The following GRID2 variants were observed in gnomAD, a reference collection of about 807,000 sequenced individuals.
The protein encoded by GRID2 is glutamate receptor ionotropic, delta-2.
A neutral mutation model predicts 114.8 loss-of-function variants in GRID2; 33 were observed. The ratio of observed to expected loss-of-function variants is 0.29; its 90% CI spans 0.22 to 0.38. The LOEUF is 0.38. GRID2 is among the 10% of genes least tolerant of loss of function. GRID2 has a pLI of 1.00. For synonymous variants in GRID2, 505 were observed against 449.9 expected, an observed-to-expected ratio of 1.12 and a Z score of -1.55; for missense variants, 1,184 against 1,257.7, an observed-to-expected ratio of 0.94 and a Z score of 0.89.
chr4:93,212,799 T>C (rs1743703902), intron 5 of GRID2, among the ~76,000 whole-genome samples: 1 of 150,738 alleles, frequency 6.6e-6, no homozygotes, highest in Non-Finnish European at 1.5e-5. Flanking sequence ...TTTGACAGAG[T>C]TTTACTCTTG....
chr4:92,973,275 T>C (rs571247210), intron 2 of GRID2, among the ~76,000 whole-genome samples: 1 of 152,250 alleles, frequency 6.6e-6, no homozygotes, highest in African/African-American at 2.4e-5. Flanking sequence ...GCTCTTCCCA[T>C]CTATATTTTC....
intron 2 of GRID2, among the ~76,000 whole-genome samples, chr4:92,870,094 G>C (rs1745163288): frequency 6.6e-6 from 1 of 151,810 alleles, no homozygotes; most frequent in Non-Finnish European, 1.5e-5. Context: ...CTAGCTACTT[G>C]GAAGACTGAG....
chr4:93,220,453 A>T (rs1346539170), intron 6 of GRID2, among the ~76,000 whole-genome samples: 1 of 152,176 alleles, frequency 6.6e-6, no homozygotes, highest in Non-Finnish European at 1.5e-5. Flanking sequence ...AGCAAAATAA[A>T]GCTCAAAAAT....
chr4:93,612,621 A>C (rs2149666306), intron 13 of GRID2, among the ~76,000 whole-genome samples: 1 of 97,444 alleles, frequency 1.0e-5, no homozygotes, highest in South Asian at 4.2e-4. Context: ...CTTTTCTTTA[A>C]GAATGTTGAA....
intron 1 of GRID2, among the ~76,000 whole-genome samples, chr4:93,794,135 A>G (rs563386943): frequency 5.3e-4 from 81 of 152,318 alleles, no homozygotes; most frequent in South Asian, 3.7e-3. Context: ...TCAAACTATA[A>G]AATCAAACTC....
At position 92,868,090 on chromosome 4, in the gene GRID2, T is replaced by G. The variant is rs374952549; in HGVS notation, c.245-216905T>G. On this transcript the variant is annotated intron_variant, in intron 2 of 15. Transcript: ENST00000282020. ...TTTCTGTCTGTCTGTCTGTCTGTCT[T>G]TCTTTCTTTCTCTTTCTTTCTTTTT... Among the ~76,000 whole-genome samples, 352 of 144,238 alleles carry G rather than the reference T, an allele frequency of 2.4e-3. 1 individual carries two copies. Among genetic ancestry groups the G allele is most frequent in the Non-Finnish European group, 3.1e-3 (205 of 65,608 alleles). The allele number at this position is 144,238 out of a possible 152,430, so 94.6% of individuals were successfully genotyped here.
chr4:93,021,265 A>G (rs1723258786), intron 2 of GRID2, among the ~76,000 whole-genome samples: 1 of 151,582 alleles, frequency 6.6e-6, no homozygotes, highest in Non-Finnish European at 1.5e-5. Flanking sequence ...CATTCCAGAA[A>G]GCAATCTTAC....
chr4:92,747,235 A>G (rs144767843), intron 2 of GRID2, among the ~76,000 whole-genome samples: 2 of 152,210 alleles, frequency 1.3e-5, no homozygotes, highest in East Asian at 3.9e-4. Context: ...AAAAAAAGAT[A>G]TATAAATTTG....
intron 13 of GRID2, among the ~76,000 whole-genome samples, chr4:93,614,648 A>G (rs988683685): frequency 6.6e-6 from 1 of 152,174 alleles, no homozygotes; most frequent in Non-Finnish European, 1.5e-5. Flanking sequence ...TGATAGTAGT[A>G]CTAATTAAAT....
At chr4:92,404,646 T>C (rs192719311) in intron 1 of GRID2, among the ~76,000 whole-genome samples, 1 of 152,200 alleles carries the variant, frequency 6.6e-6, no homozygotes, top group East Asian at 1.9e-4. Context: ...CCATCAATGA[T>C]AGATTGGATA....
chr4:92,739,386 G>T (rs917772064), intron 2 of GRID2, among the ~76,000 whole-genome samples: 3 of 152,046 alleles, frequency 2.0e-5, no homozygotes, highest in Non-Finnish European at 2.9e-5. Context: ...TATATCAGCG[G>T]CAGTGATGTC....
At chr4:93,684,886 T>C (rs950866743) in intron 14 of GRID2, among the ~76,000 whole-genome samples, 5 of 152,120 alleles carry the variant, frequency 3.3e-5, no homozygotes, top group African/African-American at 1.2e-4. Context: ...CAAAACTCTT[T>C]ATCATAACAT....
At chr4:93,077,930 A>T (rs1729480754) in intron 2 of GRID2, among the ~76,000 whole-genome samples, 1 of 152,220 alleles carries the variant, frequency 6.6e-6, no homozygotes, top group South Asian at 2.1e-4. Context: ...AAATAAATTT[A>T]AAATACAAGA....
intron 1 of GRID2, among the ~76,000 whole-genome samples, chr4:92,349,712 T>G (rs1450247304): frequency 6.6e-6 from 1 of 151,856 alleles, no homozygotes; most frequent in Non-Finnish European, 1.5e-5. Flanking sequence ...GGTATTTTAA[T>G]ATTTTGTATT....
Position 92,371,111 on chromosome 4 carries a change from G to T in GRID2, c.88+66367G>T, listed in dbSNP as rs1422963121. Among the ~76,000 whole-genome samples, 4 of 152,202 alleles carry T rather than the reference G, an allele frequency of 2.6e-5. No individual in the cohort carries two copies. The East Asian group carries it at 7.7e-4, about 29-fold the overall frequency. ...GTCTGAGAGAGATAAGGAAGCTGTA[G>T]AAGAAAACTTAGAAGCTAGCAGAGG... On this transcript the variant is annotated intron_variant, in intron 1 of 15. Transcript: ENST00000282020.
chr4:92,324,452 A>G (rs747389752), intron 1 of GRID2, among the ~76,000 whole-genome samples: 2 of 151,972 alleles, frequency 1.3e-5, no homozygotes, highest in Non-Finnish European at 2.9e-5. Context: ...CTAAATGATA[A>G]TTTTGTGTTG....
At chr4:93,808,697 C>T (rs10024195) in exon 2 of GRID2, 50,029 of 152,008 alleles carry the variant, frequency 0.33, 9,213 homozygotes, top group Non-Finnish European at 0.41. Flanking sequence ...TACCACTGGA[C>T]CTGGATATCA....
chr4:92,305,817 C>G (rs1308888469), intron 1 of GRID2, among the ~76,000 whole-genome samples: 1 of 152,202 alleles, frequency 6.6e-6, no homozygotes, highest in Non-Finnish European at 1.5e-5. Flanking sequence ...GCCTTTTCTG[C>G]GTTAATGCGA....
At chr4:92,958,610 A>G (rs1255985707) in intron 2 of GRID2, among the ~76,000 whole-genome samples, 3 of 152,044 alleles carry the variant, frequency 2.0e-5, no homozygotes, top group South Asian at 2.1e-4. Context: ...TGTCCACAAC[A>G]TATATTGGTG....
Sources: allele counts gnomAD v4.1 joint callset (sites outside exome capture counted in the v4.1 genomes callset), GRCh38; gene constraint gnomAD v4.1.1; transcripts MANE v1.5; gene names NCBI Gene and HGNC (gene_info 2026-07-23, HGNC 2026-07-21).